The following MINK1 variants were observed in gnomAD, a reference collection of about 807,000 sequenced individuals.
The protein encoded by MINK1 is misshapen-like kinase 1.
In MINK1, 46 loss-of-function variants were observed where a neutral mutation model predicts 178.4. The ratio of observed to expected loss-of-function variants is 0.26; its 90% confidence interval spans 0.20 to 0.33. MINK1 has a LOEUF of 0.33. MINK1 is among the 10% of genes least tolerant of loss of function. The pLI is 1.00. For synonymous variants in MINK1, 797 were observed against 709.7 expected (o/e 1.12, Z -1.96); for missense variants, 1,366 against 1,814.9 (o/e 0.75, Z 4.49).
intron 15 of MINK1, 139 bp downstream of exon 15, chr17:4,891,263 T>C: frequency 8.7e-7 from 1 of 1,155,716 alleles, no homozygotes; most frequent in Non-Finnish European, 1.2e-6. Flanking sequence ...AGCACAGGCT[T>C]TGTGGACAGA....
chr17:4,895,007 G>T lies in MINK1; in HGVS notation c.2918-68G>T. 3 of 1,537,694 alleles carry T rather than the reference G, an allele frequency of 2.0e-6. No individual in the cohort carries two copies. Among genetic ancestry groups the T allele is most frequent in the Non-Finnish European group, 2.7e-6 (3 of 1,123,496 alleles). ...TGAGGTGCCAAGACCTGATATAGGG[G>T]ATGGAGGTAAAAAGAGATGGGGTGA... On this transcript the variant is annotated intron_variant, in intron 24 of 31. Coordinates refer to ENST00000355280, the MANE Select transcript of MINK1 (RefSeq NM_153827.5). This position sits in a 1 kb window ranked among gnomAD's most constrained non-coding sequence, Gnocchi z 4.3.
At chr17:4,860,509 C>T (rs1260329433) in intron 1 of MINK1, among the ~76,000 whole-genome samples, 1 of 152,176 alleles carries the variant, frequency 6.6e-6, no homozygotes, top group Non-Finnish European at 1.5e-5. Flanking sequence ...TTTCTAATCT[C>T]CTCTCAGTCT....
At chr17:4,854,524 T>C (rs1390771161) in intron 1 of MINK1, among the ~76,000 whole-genome samples, 1 of 152,234 alleles carries the variant, frequency 6.6e-6, no homozygotes, top group Non-Finnish European at 1.5e-5. Context: ...GTATGTGTCA[T>C]GTCCTGACTT....
chr17:4,893,667 AGGT>A (rs972886311), intron 21 of MINK1, 70 bp downstream of exon 21: 22 of 1,474,802 alleles, frequency 1.5e-5, no homozygotes, highest in African/African-American at 2.8e-5. Flanking sequence ...AGTGGGGAAG[AGGT>A]GGGGCTTTGG....
rs1290705644 is a variant in MINK1 at position 4,881,016 on chromosome 17, C to T, written c.156C>T (p.Ala52=). 6.5e-7 allele frequency: 1 copy of T among 1,528,940 alleles called. No homozygotes were observed. The highest frequency in any genetic ancestry group is 8.8e-7 in the Non-Finnish European group (1 of 1,142,554). The allele number at this position is 1,528,940 out of a possible 1,614,324, so 94.7% of individuals were successfully genotyped here. A position where few individuals can be genotyped will look rare whatever the true frequency, so the allele number is the denominator to read the frequency against. ...ATGTCAAGACGGGGCAGCTGGCTGCCATCAAGGTCATGGATGTCACGGAGG... is the reference window on the plus strand; with the variant it reads ...ATGTCAAGACGGGGCAGCTGGCTGCTATCAAGGTCATGGATGTCACGGAGG... ...GRHVKTGQLA[A]IKVMDVTEDE... Residue 52 remains alanine (A), a synonymous_variant, in exon 3 of 32, where the codon GCC becomes GCT. Coordinates refer to ENST00000355280, the MANE Select transcript of MINK1 (RefSeq NM_153827.5).
At chr17:4,850,523 C>CG (rs1567564221) in intron 1 of MINK1, among the ~76,000 whole-genome samples, 1 of 150,494 alleles carries the variant, frequency 6.6e-6, no homozygotes, top group African/African-American at 2.5e-5. Context: ...CTGCTGGCCC[C>CG]CCCCGCCCTC....
In MINK1 at chr17:4,896,597, G is replaced by C. The variant is rs376208917; in HGVS notation, c.3775+9G>C. On this transcript the variant is annotated intron_variant, in intron 30 of 31. Coordinates refer to ENST00000355280, the MANE Select transcript of MINK1 (RefSeq NM_153827.5). The surrounding 1 kb of genome is among the most constrained non-coding windows in gnomAD (Gnocchi z 4.6). The stretch of plus-strand genomic sequence containing the variant: ...GATGCCTACTTCTGTGGGTGAGTGA[G>C]CTGCCGCCCTCCCAGCCACATGCCC... 3 of 1,613,658 alleles carry C rather than the reference G, an allele frequency of 1.9e-6. No homozygotes were observed. The highest frequency in any genetic ancestry group is 2.5e-6 in the Non-Finnish European group (3 of 1,179,714).
chr17:4,845,954 T>G (rs1403210280), intron 1 of MINK1, among the ~76,000 whole-genome samples: 1 of 152,216 alleles, frequency 6.6e-6, no homozygotes, highest in East Asian at 1.9e-4. Flanking sequence ...GTTGGATATT[T>G]TAGAACACAG....
intron 4 of MINK1, among the ~76,000 whole-genome samples, chr17:4,883,866 G>T (rs560296238): frequency 1.5e-4 from 22 of 151,712 alleles, no homozygotes; most frequent in African/African-American, 5.3e-4. Flanking sequence ...ACCGCTGTAG[G>T]GTTTGGAATC....
At chr17:4,872,123 A>G (rs1022376543) in intron 1 of MINK1, among the ~76,000 whole-genome samples, 4 of 151,798 alleles carry the variant, frequency 2.6e-5, no homozygotes, top group African/African-American at 9.7e-5. Context: ...TGAGGTCAGG[A>G]GTTTGACACT....
chr17:4,892,111 G>C (rs577436580), intron 16 of MINK1, 38 bp from the exon 17 acceptor site: 1 of 1,514,240 alleles, frequency 6.6e-7, no homozygotes, highest in African/African-American at 1.4e-5. Flanking sequence ...AGTGCCTGTC[G>C]CAGCGCCAGC....
intron 1 of MINK1, among the ~76,000 whole-genome samples, chr17:4,868,301 C>T (rs1443409722): frequency 6.6e-6 from 1 of 152,056 alleles, no homozygotes; most frequent in East Asian, 1.9e-4. Context: ...TTTAAATTTA[C>T]CATAAAGTAT....
chr17:4,868,275 C>T (rs1041748979), intron 1 of MINK1, among the ~76,000 whole-genome samples: 3 of 152,166 alleles, frequency 2.0e-5, no homozygotes, highest in Non-Finnish European at 4.4e-5. Context: ...CCGTGCCCAA[C>T]CCTCTTCTAG....
At position 4,885,714 on chromosome 17, in the gene MINK1, G is replaced by C; in HGVS notation, c.639+101G>C. The C allele has an allele frequency of 6.6e-7, 1 of 1,517,348 alleles. No individual in the cohort carries two copies. Among genetic ancestry groups the C allele is most frequent in the Non-Finnish European group, 9.0e-7 (1 of 1,112,482 alleles). 94.0% of individuals were successfully genotyped at this position (1,517,348 alleles called of 1,614,324 possible). On this transcript the variant is annotated intron_variant, in intron 7 of 31. Coordinates refer to ENST00000355280, the MANE Select transcript of MINK1 (RefSeq NM_153827.5). The surrounding 1 kb of genome is among the most constrained non-coding windows in gnomAD (Gnocchi z 5.0). ...GCTGGGGAACAGAGGAAGGTCAGATGATGTTAGCAGTGAGGGGCTGGGGAA... is the reference window on the plus strand; with the variant it reads ...GCTGGGGAACAGAGGAAGGTCAGATCATGTTAGCAGTGAGGGGCTGGGGAA...
chr17:4,891,336 A>T (rs1466504996), intron 15 of MINK1, 120 bp from the exon 16 acceptor site: 2 of 1,360,282 alleles, frequency 1.5e-6, no homozygotes, highest in Non-Finnish European at 2.0e-6. Context: ...GGCTCAAGGA[A>T]CCCCTTGTCC....
At chr17:4,851,622 C>T (rs1329002381) in intron 1 of MINK1, among the ~76,000 whole-genome samples, 2 of 152,048 alleles carry the variant, frequency 1.3e-5, no homozygotes, top group Non-Finnish European at 2.9e-5. Flanking sequence ...CTCTCCTGGC[C>T]CCATTGTCTC....
In MINK1 at chr17:4,894,288, C is replaced by CCCT. The variant is rs771232445; in HGVS notation, c.2787_2789dup (p.Ser930dup). 2 of 1,612,838 alleles carry CCCT rather than the reference C, an allele frequency of 1.2e-6. No homozygotes were observed. Among genetic ancestry groups the CCCT allele is most frequent in the Non-Finnish European group, 1.7e-6 (2 of 1,179,722 alleles). On this transcript the variant is annotated inframe_insertion, in exon 23 of 32. Transcript: ENST00000355280. The surrounding 1 kb of genome is among the most constrained non-coding windows in gnomAD (Gnocchi z 4.1). The stretch of plus-strand genomic sequence containing the variant: ...CGAGAACAGCAAAGGCCAAAGCCCA[C>CCCT]CCTCGAAGGATGGGAGTGGTGACGT...
At chr17:4,890,306 C>T in intron 13 of MINK1, 1 of 1,377,170 alleles carries the variant, frequency 7.3e-7, no homozygotes, top group Non-Finnish European at 9.4e-7. Flanking sequence ...GGCCCTGCTG[C>T]TGGTAACGGG....
intron 5 of MINK1, 105 bp downstream of exon 5, chr17:4,884,578 T>C: frequency 1.2e-6 from 1 of 840,172 alleles, no homozygotes; most frequent in Non-Finnish European, 1.9e-6. Flanking sequence ...CACTGCCCTC[T>C]TTAGGGAGCA....
Sources: allele counts gnomAD v4.1 joint callset (sites outside exome capture counted in the v4.1 genomes callset), GRCh38; gene constraint gnomAD v4.1.1; non-coding constraint Gnocchi (gnomAD v3.1); transcripts MANE v1.5; gene names NCBI Gene and HGNC (gene_info 2026-07-23, HGNC 2026-07-21).